The following ZBTB7C variants were observed in gnomAD, a reference collection of about 807,000 sequenced individuals.
ZBTB7C encodes the protein zinc finger and BTB domain containing 7C, also known as zinc finger and BTB domain-containing protein 7C.
In ZBTB7C, 8 loss-of-function variants were observed where a neutral mutation model predicts 25.7. The observed-to-expected ratio is 0.31, with a 90% CI of 0.18 to 0.56. The LOEUF (loss-of-function observed/expected upper bound fraction) is 0.56. Among genes scored for constraint, ZBTB7C ranks in the 20% least tolerant of loss-of-function variants. The pLI is 0.91. For synonymous variants in ZBTB7C, 394 were observed against 369.0 expected (o/e 1.07, Z -0.78); for missense variants, 824 against 855.2 (o/e 0.96, Z 0.46).
At chr18:48,043,796 A>G (rs1041596090) in intron 3 of ZBTB7C, among the ~76,000 whole-genome samples, 3 of 152,272 alleles carry the variant, frequency 2.0e-5, no homozygotes, top group Non-Finnish European at 4.4e-5. Flanking sequence ...AACGATAAGT[A>G]TCTCAAAAGA....
At chr18:48,036,010 G>A (rs1012901294) in intron 4 of ZBTB7C, among the ~76,000 whole-genome samples, 4 of 152,262 alleles carry the variant, frequency 2.6e-5, no homozygotes, top group Middle Eastern at 6.3e-3. Flanking sequence ...CCGAGGGAGT[G>A]CACAGGCAAA....
intron 3 of ZBTB7C, among the ~76,000 whole-genome samples, chr18:48,143,426 CCT>C (rs1016414381): frequency 6.6e-6 from 1 of 152,184 alleles, no homozygotes; most frequent in Non-Finnish European, 1.5e-5. Context: ...GCACTAAGAA[CCT>C]CACCCTAGGA....
At chr18:48,168,570 A>G (rs1431264982) in intron 3 of ZBTB7C, among the ~76,000 whole-genome samples, 1 of 152,238 alleles carries the variant, frequency 6.6e-6, no homozygotes, top group African/African-American at 2.4e-5. Flanking sequence ...AAGTTGCTCA[A>G]TCTCACCAAT....
At chr18:48,057,588 A>G (rs1280456283) in intron 3 of ZBTB7C, among the ~76,000 whole-genome samples, 1 of 152,236 alleles carries the variant, frequency 6.6e-6, no homozygotes, top group African/African-American at 2.4e-5. Flanking sequence ...GGTAGAAGGC[A>G]GATTTATTTT....
At position 48,040,478 on chromosome 18, in the gene ZBTB7C, G is replaced by A. The variant is rs1380008639; in HGVS notation, c.630C>T (p.Ser210=). The change falls in exon 4 of 5, where the codon TCC becomes TCT. Residue 210 remains serine (S), a synonymous_variant. Coordinates refer to ENST00000590800, the MANE Select transcript of ZBTB7C (RefSeq NM_001318841.2). ...GATGGCCAGGACTGCCAGCCTGGAAGGAGTCAGGGAAGTCCCTGGGGGTGT... is the reference window on the plus strand; with the variant it reads ...GATGGCCAGGACTGCCAGCCTGGAAAGAGTCAGGGAAGTCCCTGGGGGTGT... The part of the protein sequence containing the change: ...YSDTPRDFPD[S]FQAGSPGHLG... 4 of 1,610,080 alleles carry A rather than the reference G, an allele frequency of 2.5e-6. No homozygotes were observed. In the African/African-American group the frequency reaches 4.0e-5, roughly 16 times the overall value.
chr18:48,152,909 A>T (rs1453475702), intron 3 of ZBTB7C, among the ~76,000 whole-genome samples: 1 of 152,198 alleles, frequency 6.6e-6, no homozygotes, highest in Non-Finnish European at 1.5e-5. Context: ...CCATTTCACA[A>T]GGGAGGAAAT....
chr18:48,153,845 G>A (rs138060951), intron 3 of ZBTB7C, among the ~76,000 whole-genome samples: 20 of 152,334 alleles, frequency 1.3e-4, no homozygotes, highest in Non-Finnish European at 2.6e-4. Context: ...CACACACTCT[G>A]TGAAAATGGT....
rs1406881795 is a variant in ZBTB7C, at chr18:48,389,228, CTCTCTCTCGTGT to C, written c.-304+19986_-304+19997del. ...TCTCTCTCTCTCTCTCTCTCTCTCT[CTCTCTCTCGTGT>C]GTGTGTGTGTGTGTGTGTGTGTGTG... On this transcript the variant is annotated intron_variant, in intron 1 of 4. Transcript: ENST00000590800. 7.3e-3 allele frequency among the ~76,000 whole-genome samples: 680 copies of C among 93,666 alleles called. 2 individuals are homozygous for C. Among genetic ancestry groups the C allele is most frequent in the African/African-American group, 0.024 (572 of 23,418 alleles). The allele number at this position is 93,666 out of a possible 152,430, so 61.4% of individuals were successfully genotyped here.
In ZBTB7C at chr18:48,395,461, A is replaced by ATGTGTGTGTGTGTG. The variant is rs71165324; in HGVS notation, c.-304+13751_-304+13764dup. The stretch of plus-strand genomic sequence containing the variant: ...ATGTGTGCATGTGTGTTCTATTCAA[A>ATGTGTGTGTGTGTG]TGTGTGTGTGTGTGTGTGTGTGTGT... On this transcript the variant is annotated intron_variant, in intron 1 of 4. Coordinates refer to ENST00000590800, the MANE Select transcript of ZBTB7C (RefSeq NM_001318841.2). Among the ~76,000 whole-genome samples, 3 of 83,576 alleles carry ATGTGTGTGTGTGTG rather than the reference A, an allele frequency of 3.6e-5. 1 individual carries two copies. The highest frequency in any genetic ancestry group is 4.8e-4 in the South Asian group (1 of 2,088). The allele number at this position is 83,576 out of a possible 152,430, so 54.8% of individuals were successfully genotyped here. A position where few individuals can be genotyped will look rare whatever the true frequency, so the allele number is the denominator to read the frequency against.
intron 3 of ZBTB7C, among the ~76,000 whole-genome samples, chr18:48,071,959 G>T (rs62086093): frequency 1.3e-5 from 2 of 152,136 alleles, no homozygotes. Flanking sequence ...GCGAGTTAGT[G>T]TTTAATGGGG....
intron 1 of ZBTB7C, among the ~76,000 whole-genome samples, chr18:48,398,174 T>A (rs2048071528): frequency 6.6e-6 from 1 of 152,184 alleles, no homozygotes; most frequent in Non-Finnish European, 1.5e-5. Context: ...CATCAAGCTG[T>A]GTACACACAG....
intron 1 of ZBTB7C, among the ~76,000 whole-genome samples, chr18:48,401,730 C>G (rs185787010): frequency 6.6e-6 from 1 of 152,108 alleles, no homozygotes; most frequent in Admixed American, 6.5e-5. Flanking sequence ...GCAGCACCCC[C>G]GGTCCCAGTC....
chr18:48,335,494 G>C (rs1321387404), intron 2 of ZBTB7C, among the ~76,000 whole-genome samples: 1 of 152,190 alleles, frequency 6.6e-6, no homozygotes, highest in Admixed American at 6.5e-5. Context: ...GCTGGTTCCA[G>C]AGAACATAAG....
chr18:48,036,962 T>A (rs2035999920), intron 4 of ZBTB7C, among the ~76,000 whole-genome samples: 1 of 151,618 alleles, frequency 6.6e-6, no homozygotes, highest in Non-Finnish European at 1.5e-5. Context: ...AGAGATGGGG[T>A]GAGAAGCAAA....
intron 2 of ZBTB7C, among the ~76,000 whole-genome samples, chr18:48,201,792 C>T (rs966199522): frequency 2.6e-5 from 4 of 152,208 alleles, no homozygotes; most frequent in African/African-American, 4.8e-5. Flanking sequence ...TAATCCGAGG[C>T]GCGCATCCCT....
chr18:48,034,367 C>G (rs571811791), intron 4 of ZBTB7C, among the ~76,000 whole-genome samples: 104 of 152,230 alleles, frequency 6.8e-4, no homozygotes, highest in Middle Eastern at 3.4e-3. Flanking sequence ...GCACAGCCCA[C>G]CACATTACAG....
chr18:48,071,203 G>A (rs2037527368), intron 3 of ZBTB7C, among the ~76,000 whole-genome samples: 1 of 152,148 alleles, frequency 6.6e-6, no homozygotes, highest in South Asian at 2.1e-4. Flanking sequence ...GATCCAGGGG[G>A]TATTGTGATT....
intron 3 of ZBTB7C, among the ~76,000 whole-genome samples, chr18:48,132,344 A>G (rs950185330): frequency 7.2e-5 from 11 of 152,264 alleles, no homozygotes; most frequent in Admixed American, 2.0e-4. Flanking sequence ...ATCTGATTCT[A>G]TTTATACGAA....
intron 1 of ZBTB7C, among the ~76,000 whole-genome samples, chr18:48,369,883 C>T (rs917524085): frequency 3.3e-5 from 5 of 152,158 alleles, no homozygotes; most frequent in African/African-American, 4.8e-5. Context: ...ACAACACCAT[C>T]AACCAATAGA....
Sources: gnomAD v4.1 joint callset for allele counts (sites outside exome capture counted in the v4.1 genomes callset) on GRCh38, gnomAD v4.1.1 for gene constraint, MANE v1.5 for transcripts, NCBI Gene and HGNC (gene_info 2026-07-23, HGNC 2026-07-21) for gene names.